CREB5: variants seen among roughly 807,000 people sequenced by gnomAD.
CREB5 encodes the protein cyclic AMP-responsive element-binding protein 5.
A neutral mutation model predicts 57.1 loss-of-function variants in CREB5; 19 were observed. The observed-to-expected ratio is 0.33, with a 90% CI of 0.23 to 0.49. The LOEUF is 0.49. Among genes scored for constraint, CREB5 ranks in the 20% least tolerant of loss-of-function variants. The probability of loss-of-function intolerance (pLI) is 0.99; values close to 1 mark genes in which losing one functional copy is unlikely to be tolerated. For missense variants in CREB5, 579 were observed against 671.6 expected (o/e 0.86, Z 1.52); for synonymous variants, 238 against 238.3 (o/e 1.00, Z 0.01).
chr7:28,725,804 A>T (rs1234919229), intron 7 of CREB5, among the ~76,000 whole-genome samples: 1 of 152,152 alleles, frequency 6.6e-6, no homozygotes, highest in Non-Finnish European at 1.5e-5. Flanking sequence ...TTTACTTTGG[A>T]ATCTTCTTAT....
intron 4 of CREB5, among the ~76,000 whole-genome samples, chr7:28,514,179 T>C (rs1399734345): frequency 1.3e-5 from 2 of 152,182 alleles, no homozygotes; most frequent in African/African-American, 4.8e-5. Flanking sequence ...AGAAAAAAAG[T>C]ATTTTATCTT....
chr7:28,709,875 G>A (rs184686915), intron 5 of CREB5, among the ~76,000 whole-genome samples: 57 of 152,306 alleles, frequency 3.7e-4, no homozygotes, highest in Non-Finnish European at 6.8e-4. Flanking sequence ...AAGTCCGTGC[G>A]AAGCAGAAAT....
In CREB5 at chr7:28,821,756, C is replaced by CA. The variant is rs957161527; in HGVS notation, c.*2482dup. ...ATCTATGTGTCTCCCCTCCCCTCCA[C>CA]AAAAAGGAGAAAGAGTGCATTAAAA... On this transcript the variant is annotated 3_prime_UTR_variant, in exon 11 of 11. Coordinates refer to ENST00000357727, the MANE Select transcript of CREB5 (RefSeq NM_182898.4). 2.0e-5 allele frequency: 3 copies of CA among 152,444 alleles called. No individual in the cohort carries two copies. Among genetic ancestry groups the CA allele is most frequent in the Non-Finnish European group, 4.4e-5 (3 of 68,022 alleles). The allele number at this position is 152,444 out of a possible 1,614,324, so 9.4% of individuals were successfully genotyped here. A position where few individuals can be genotyped will look rare whatever the true frequency, so the allele number is the denominator to read the frequency against.
At chr7:28,396,353 G>C (rs373208796) in intron 1 of CREB5, among the ~76,000 whole-genome samples, 1 of 152,104 alleles carries the variant, frequency 6.6e-6, no homozygotes, top group African/African-American at 2.4e-5. Flanking sequence ...ATTGTTATAA[G>C]ATACATGATC....
chr7:28,683,893 G>A (rs948517374), intron 5 of CREB5, among the ~76,000 whole-genome samples: 3 of 151,994 alleles, frequency 2.0e-5, no homozygotes, highest in African/African-American at 7.3e-5. Context: ...TTCCCATTGA[G>A]CTTACAAAAA....
chr7:28,316,706 A>C (rs1480558663), intron 1 of CREB5, among the ~76,000 whole-genome samples: 1 of 152,152 alleles, frequency 6.6e-6, no homozygotes, highest in African/African-American at 2.4e-5. Context: ...GCAGAGTTAC[A>C]TCCTATTTTC....
At chr7:28,747,852 T>C (rs1306314774) in intron 7 of CREB5, among the ~76,000 whole-genome samples, 2 of 152,154 alleles carry the variant, frequency 1.3e-5, no homozygotes, top group Non-Finnish European at 2.9e-5. Context: ...CTTTAACTTG[T>C]TAAGGGCGCC....
intron 3 of CREB5, among the ~76,000 whole-genome samples, chr7:28,502,700 T>C (rs1333678815): frequency 2.0e-5 from 3 of 152,244 alleles, no homozygotes; most frequent in Admixed American, 6.5e-5. Flanking sequence ...ATTTTCACAG[T>C]CCTTTAGTAA....
chr7:28,585,565 A>C (rs183279917), intron 5 of CREB5, among the ~76,000 whole-genome samples: 70 of 152,330 alleles, frequency 4.6e-4, no homozygotes, highest in Admixed American at 8.5e-4. Context: ...ATGTGACAGG[A>C]CTGTTCTTTT....
intron 4 of CREB5, among the ~76,000 whole-genome samples, chr7:28,535,633 G>C (rs1451684141): frequency 6.6e-6 from 1 of 150,720 alleles, no homozygotes; most frequent in Non-Finnish European, 1.5e-5. Context: ...GAGGGAGGAA[G>C]GAAAAAGAGA....
intron 5 of CREB5, among the ~76,000 whole-genome samples, chr7:28,634,177 G>A (rs1308330609): frequency 6.6e-6 from 1 of 152,082 alleles, no homozygotes; most frequent in Non-Finnish European, 1.5e-5. Flanking sequence ...TTTCATTTGA[G>A]CTTTAATCTG....
intron 4 of CREB5, among the ~76,000 whole-genome samples, chr7:28,548,180 A>G (rs1794488782): frequency 1.3e-5 from 2 of 152,130 alleles, no homozygotes. Flanking sequence ...GGTCTTTTTC[A>G]CAACTGAAAC....
At chr7:28,476,756 G>T (rs1005646095) in intron 1 of CREB5, among the ~76,000 whole-genome samples, 1 of 152,136 alleles carries the variant, frequency 6.6e-6, no homozygotes, top group Admixed American at 6.5e-5. Flanking sequence ...TTGCTCCAGG[G>T]GTTATATATG....
intron 5 of CREB5, among the ~76,000 whole-genome samples, chr7:28,681,933 G>A (rs1461274397): frequency 6.6e-6 from 1 of 152,200 alleles, no homozygotes; most frequent in Non-Finnish European, 1.5e-5. Context: ...ATAGGAAGCA[G>A]AATTGATGAC....
At chr7:28,526,235 A>G (rs540555783) in intron 4 of CREB5, among the ~76,000 whole-genome samples, 4 of 152,354 alleles carry the variant, frequency 2.6e-5, no homozygotes, top group South Asian at 4.1e-4. Context: ...TGATTATTAT[A>G]TAAATCAAAA....
chr7:28,413,092 ATGTGTGTGTGTGTGTG>A (rs10599936), intron 1 of CREB5, among the ~76,000 whole-genome samples, 175 bp downstream of exon 1: 4 of 147,212 alleles, frequency 2.7e-5, no homozygotes, highest in Non-Finnish European at 6.0e-5. Flanking sequence ...ATGTGGAAGG[ATGTGTGTGTGTGTGTG>A]TGTGTGTGTG....
intron 5 of CREB5, among the ~76,000 whole-genome samples, chr7:28,576,639 C>T (rs1048805681): frequency 6.6e-6 from 1 of 152,194 alleles, no homozygotes; most frequent in Non-Finnish European, 1.5e-5. Flanking sequence ...GAAGTGATGG[C>T]CCTGTCTCCA....
intron 1 of CREB5, among the ~76,000 whole-genome samples, chr7:28,310,059 AT>A (rs1785248935): frequency 6.6e-6 from 1 of 152,152 alleles, no homozygotes; most frequent in South Asian, 2.1e-4. Context: ...GCTAAGCAAC[AT>A]TTCAGCAGGA....
intron 5 of CREB5, among the ~76,000 whole-genome samples, chr7:28,693,856 C>G (rs184865051): frequency 6.6e-6 from 1 of 152,248 alleles, no homozygotes; most frequent in East Asian, 1.9e-4. Context: ...ATATTTTGGG[C>G]ATTAATAATG....
Sources: allele counts gnomAD v4.1 joint callset (sites outside exome capture counted in the v4.1 genomes callset), GRCh38; gene constraint gnomAD v4.1.1; transcripts MANE v1.5; gene names NCBI Gene and HGNC (gene_info 2026-07-23, HGNC 2026-07-21).